The following SYNPO variants were observed in gnomAD, a reference collection of about 807,000 sequenced individuals.
The protein encoded by SYNPO is synaptopodin.
Under a neutral mutation model 49.5 loss-of-function variants are expected in SYNPO, and 19 were observed. The observed-to-expected ratio is 0.38, with a 90% CI of 0.27 to 0.56. The LOEUF is 0.56. SYNPO is among the 20% of genes least tolerant of loss of function. The probability of loss-of-function intolerance (pLI) is 0.68; values close to 1 mark genes in which losing one functional copy is unlikely to be tolerated. For missense variants in SYNPO, 1,131 were observed against 1,248.3 expected (o/e 0.91, Z 1.42); for synonymous variants, 536 against 548.0 (o/e 0.98, Z 0.31).
Position 150,649,745 on chromosome 5 carries a change from G to T in SYNPO, c.1470G>T (p.Arg490=). 1 of 1,613,150 alleles carries T rather than the reference G, an allele frequency of 6.2e-7. No homozygotes were observed. Among genetic ancestry groups the T allele is most frequent in the Non-Finnish European group, 8.5e-7 (1 of 1,180,026 alleles). Residue 490 remains arginine, a synonymous_variant, in exon 2 of 3, where the codon CGG becomes CGT. Transcript: ENST00000307662. ...GAELYARRQS[R]MEKYVIESSS... ...AGCTCTACGCCCGCCGCCAGTCACG[G>T]ATGGAGAAATATGTCATCGAGTCTT...
At chr5:150,600,598 G>T (rs58770642), upstream of SYNPO, among the ~76,000 whole-genome samples, 3,441 of 152,246 alleles carry the variant, frequency 0.023, 123 homozygotes, top group African/African-American at 0.079. Context: ...GGATCTGGCT[G>T]GGGGGTTAAG....
intron 1 of SYNPO, among the ~76,000 whole-genome samples, chr5:150,641,635 G>T (rs1030079093): frequency 2.0e-5 from 3 of 152,204 alleles, no homozygotes; most frequent in African/African-American, 7.2e-5. Flanking sequence ...AGGGGTGGGG[G>T]AAAGGGTTTG....
intron 1 of SYNPO, among the ~76,000 whole-genome samples, chr5:150,601,501 G>A (rs796508373): frequency 1.3e-5 from 2 of 152,302 alleles, no homozygotes; most frequent in Admixed American, 6.5e-5. Flanking sequence ...AGGAGGGCTC[G>A]GGGTCATTTG....
chr5:150,638,276 T>C (rs1036861581), upstream of SYNPO, among the ~76,000 whole-genome samples: 2 of 152,196 alleles, frequency 1.3e-5, no homozygotes, highest in African/African-American at 4.8e-5. Context: ...TGTTCTCCCC[T>C]CACTTCATGA....
intron 2 of SYNPO, among the ~76,000 whole-genome samples, chr5:150,633,823 C>T (rs2151390689): frequency 6.6e-6 from 1 of 152,140 alleles, no homozygotes; most frequent in African/African-American, 2.4e-5. Flanking sequence ...ATAAAATTAC[C>T]GTATATAATT....
chr5:150,606,132 A>C (rs1371837897), intron 1 of SYNPO, among the ~76,000 whole-genome samples: 1 of 152,200 alleles, frequency 6.6e-6, no homozygotes. Context: ...TAAACACAAG[A>C]TTCACATACA....
intron 1 of SYNPO, among the ~76,000 whole-genome samples, chr5:150,613,275 C>T (rs1466302837): frequency 6.6e-6 from 1 of 152,128 alleles, no homozygotes; most frequent in South Asian, 2.1e-4. Context: ...CTGCCCACCC[C>T]CCTACTTTGT....
chr5:150,648,963 G>C lies in SYNPO; in HGVS notation c.688G>C (p.Ala230Pro), dbSNP rs1047125030. ...CTACAGTGAGGTCCACTTCACACTG[G>C]CCAAGCCCCCATCAGTGGTCAACAG... ...KVYSEVHFTLAKPPSVVNRTA... is the reference protein window; with the variant it reads ...KVYSEVHFTLPKPPSVVNRTA... The change falls in exon 2 of 3, where the codon GCC (alanine) becomes CCC (proline). Residue 230 changes from alanine to proline, a missense_variant. Ala to Pro is a conservative substitution (Grantham distance 27). This residue lies in a region of SYNPO where 602 missense variants were observed against 720.7 expected (regional missense o/e 0.84). Coordinates refer to ENST00000307662, the MANE Select transcript of SYNPO (RefSeq NM_007286.6). The surrounding 1 kb of genome is among the most constrained non-coding windows in gnomAD (Gnocchi z 5.0). 1.9e-6 allele frequency: 3 copies of C among 1,614,108 alleles called. No individual in the cohort carries two copies. The African/African-American group carries it at 4.0e-5, about 22-fold the overall frequency.
intron 2 of SYNPO, among the ~76,000 whole-genome samples, chr5:150,655,837 G>T (rs900694590): frequency 2.0e-5 from 3 of 152,162 alleles, no homozygotes; most frequent in Non-Finnish European, 2.9e-5. Context: ...TTTTAGTAGA[G>T]ACAGGGTTTC....
chr5:150,618,288 C>G (rs1223362268), exon 2 of SYNPO: 4 of 1,455,322 alleles, frequency 2.7e-6, no homozygotes, highest in Non-Finnish European at 3.6e-6. Flanking sequence ...GAGACCAGGG[C>G]TCACACAGCT....
At chr5:150,624,722 G>C (rs1757292938) in intron 2 of SYNPO, 1 of 547,422 alleles carries the variant, frequency 1.8e-6, no homozygotes, top group Middle Eastern at 8.9e-4. Context: ...CCCAGCCCGG[G>C]GTCCCGGAGC....
chr5:150,588,299 G>A, the SYNPO span, among the ~76,000 whole-genome samples: 1 of 152,112 alleles, frequency 6.6e-6, no homozygotes, highest in Non-Finnish European at 1.5e-5. Flanking sequence ...GGGGTCGGGG[G>A]AAGCTGCGTG....
At chr5:150,596,428 G>A (rs1204009505), upstream of SYNPO, among the ~76,000 whole-genome samples, 1 of 152,106 alleles carries the variant, frequency 6.6e-6, no homozygotes, top group Non-Finnish European at 1.5e-5. Flanking sequence ...TCTACATCTG[G>A]CTTTTTCAGA....
upstream of SYNPO, among the ~76,000 whole-genome samples, chr5:150,600,775 A>G (rs55928808): frequency 0.011 from 1,652 of 152,212 alleles, 30 homozygotes; most frequent in African/African-American, 0.037. Context: ...TTTTGGAAAC[A>G]TATTTATTTT....
At chr5:150,639,522 C>A (rs1236447370), upstream of SYNPO, among the ~76,000 whole-genome samples, 1 of 152,152 alleles carries the variant, frequency 6.6e-6, no homozygotes, top group African/African-American at 2.4e-5. Flanking sequence ...GTGGGGAGCT[C>A]TTCAGAAGGA....
At chr5:150,651,281 G>A in intron 2 of SYNPO, 1 of 1,001,324 alleles carries the variant, frequency 1.0e-6, no homozygotes. Flanking sequence ...GGGGGAGGCA[G>A]GAGAGGAGGG....
intron 1 of SYNPO, among the ~76,000 whole-genome samples, chr5:150,646,220 G>A (rs1036919881): frequency 1.3e-5 from 2 of 151,350 alleles, no homozygotes; most frequent in Non-Finnish European, 2.9e-5. Flanking sequence ...CACACCGATA[G>A]TCCAGATATT....
rs960861738 is a variant in SYNPO, at chr5:150,646,208, C to T, written c.-332-1736C>T. Among the ~76,000 whole-genome samples, 20 of 149,750 alleles carry T rather than the reference C, an allele frequency of 1.3e-4. No individual in the cohort carries two copies. The East Asian group carries it at 2.2e-3, about 16-fold the overall frequency. On this transcript the variant is annotated intron_variant, in intron 1 of 2. Coordinates refer to ENST00000307662, the MANE Select transcript of SYNPO (RefSeq NM_007286.6). ...AAAAAAAATTGGCTAAGTGTGGTGG[C>T]GCACACCGATAGTCCAGATATTTGG... is the stretch of plus-strand genomic sequence containing the variant.
At chr5:150,646,408 C>T (rs1327747820) in intron 1 of SYNPO, among the ~76,000 whole-genome samples, 1 of 151,656 alleles carries the variant, frequency 6.6e-6, no homozygotes, top group East Asian at 1.9e-4. Context: ...TATTACCTAC[C>T]CTAAAAAGGG....
Sources: allele counts gnomAD v4.1 joint callset (sites outside exome capture counted in the v4.1 genomes callset), GRCh38; gene constraint gnomAD v4.1.1; regional missense constraint gnomAD v4.1.1; non-coding constraint Gnocchi (gnomAD v3.1); transcripts MANE v1.5; gene names NCBI Gene and HGNC (gene_info 2026-07-23, HGNC 2026-07-21).